COL25A1: variants seen among roughly 807,000 people sequenced by gnomAD.
The protein encoded by COL25A1 is collagen alpha-1(XXV) chain.
COL25A1 carries 103 observed loss-of-function variants against 128.4 expected under a neutral mutation model. The ratio of observed to expected loss-of-function variants is 0.80; its 90% CI spans 0.68 to 0.94. COL25A1 has a LOEUF of 0.94. COL25A1 is among the 40% of genes least tolerant of loss of function. COL25A1 has a pLI of 0.00. For synonymous variants in COL25A1, 279 were observed against 277.2 expected, an observed-to-expected ratio of 1.01 and a Z score of -0.06; for missense variants, 745 against 840.0, an observed-to-expected ratio of 0.89 and a Z score of 1.40.
intron 3 of COL25A1, among the ~76,000 whole-genome samples, chr4:109,269,567 T>C (rs1782052737): frequency 6.7e-6 from 1 of 150,338 alleles, no homozygotes; most frequent in African/African-American, 2.5e-5. Flanking sequence ...AAAGTGTTCC[T>C]ATTTCTCCAC....
intron 3 of COL25A1, among the ~76,000 whole-genome samples, chr4:109,236,169 G>A (rs548513859): frequency 4.0e-5 from 6 of 150,556 alleles, no homozygotes; most frequent in South Asian, 2.1e-4. Flanking sequence ...GTATAACTTC[G>A]GAGAAGTGAT....
intron 3 of COL25A1, among the ~76,000 whole-genome samples, chr4:109,108,401 G>A (rs1464454531): frequency 6.6e-6 from 1 of 152,028 alleles, no homozygotes; most frequent in Non-Finnish European, 1.5e-5. Context: ...TGGTATATAT[G>A]TGCCACATTT....
chr4:108,954,911 C>T (rs1481498262), intron 8 of COL25A1, among the ~76,000 whole-genome samples: 2 of 151,634 alleles, frequency 1.3e-5, no homozygotes, highest in African/African-American at 4.8e-5. Context: ...AAAGCAATAG[C>T]CCAATTTACA....
chr4:108,943,054 T>A (rs561377457), intron 8 of COL25A1, among the ~76,000 whole-genome samples: 63 of 152,148 alleles, frequency 4.1e-4, no homozygotes, highest in African/African-American at 1.5e-3. Context: ...CCATGCCCAG[T>A]CAAACCAATA....
At chr4:108,881,184 A>T (rs761330761) in intron 19 of COL25A1, among the ~76,000 whole-genome samples, 4 of 152,146 alleles carry the variant, frequency 2.6e-5, no homozygotes, top group Non-Finnish European at 5.9e-5. Context: ...AGTGACTTTT[A>T]TTATGTATGC....
chr4:109,161,952 C>A (rs895232313), intron 3 of COL25A1, among the ~76,000 whole-genome samples: 1 of 152,168 alleles, frequency 6.6e-6, no homozygotes, highest in Non-Finnish European at 1.5e-5. Flanking sequence ...GTGAATCATT[C>A]GGCAGCGCAC....
chr4:109,156,743 C>G (rs17039993), intron 3 of COL25A1, among the ~76,000 whole-genome samples: 1 of 152,182 alleles, frequency 6.6e-6, no homozygotes, highest in African/African-American at 2.4e-5. Context: ...AAAATGCACT[C>G]TATTCCATCC....
intron 11 of COL25A1, among the ~76,000 whole-genome samples, chr4:108,932,282 C>G (rs1393936657): frequency 6.6e-6 from 1 of 152,112 alleles, no homozygotes; most frequent in Non-Finnish European, 1.5e-5. Flanking sequence ...TTAAATGCAA[C>G]AGAAACATTT....
intron 3 of COL25A1, among the ~76,000 whole-genome samples, chr4:109,290,671 G>A (rs1434883008): frequency 1.3e-5 from 2 of 152,062 alleles, no homozygotes; most frequent in African/African-American, 4.8e-5. Flanking sequence ...TGGTTGGCAT[G>A]TATCAGGGGC....
intron 21 of COL25A1, 63 bp downstream of exon 21, chr4:108,863,256 T>G: frequency 6.6e-7 from 1 of 1,514,904 alleles, no homozygotes; most frequent in Non-Finnish European, 9.2e-7. Flanking sequence ...TTGTTTTAGT[T>G]TTTTGTGTTC....
intron 3 of COL25A1, among the ~76,000 whole-genome samples, chr4:109,141,720 T>C (rs1770423987): frequency 6.6e-6 from 1 of 152,246 alleles, no homozygotes; most frequent in Non-Finnish European, 1.5e-5. Context: ...TTTATTTGCA[T>C]AGAGGTGTTT....
intron 4 of COL25A1, 90 bp from the exon 5 acceptor site, chr4:109,048,265 T>C: frequency 8.0e-7 from 1 of 1,256,094 alleles, no homozygotes; most frequent in Non-Finnish European, 1.2e-6. Context: ...ATGAGCATAA[T>C]CATCAGCATG....
At chr4:108,855,700 G>A (rs897441938) in intron 24 of COL25A1, among the ~76,000 whole-genome samples, 19 of 152,132 alleles carry the variant, frequency 1.2e-4, no homozygotes, top group African/African-American at 4.6e-4. Flanking sequence ...AACAGATGGA[G>A]TTTAAATGAT....
At chr4:109,026,879 T>C (rs1758350714) in intron 5 of COL25A1, among the ~76,000 whole-genome samples, 1 of 152,170 alleles carries the variant, frequency 6.6e-6, no homozygotes, top group South Asian at 2.1e-4. Flanking sequence ...CACCATCTTA[T>C]ATAAGATGAG....
At chr4:108,866,251 G>A (rs1737904888) in intron 20 of COL25A1, among the ~76,000 whole-genome samples, 1 of 145,598 alleles carries the variant, frequency 6.9e-6, no homozygotes, top group African/African-American at 2.6e-5. Flanking sequence ...GGAGAGCAGT[G>A]TTGTGATCTC....
intron 10 of COL25A1, among the ~76,000 whole-genome samples, chr4:108,938,132 G>C (rs1474011254): frequency 1.3e-5 from 2 of 152,198 alleles, no homozygotes; most frequent in African/African-American, 2.4e-5. Flanking sequence ...ATAGGACAGA[G>C]AGACAATTGC....
At chr4:109,117,369 T>C (rs1421903210) in intron 3 of COL25A1, among the ~76,000 whole-genome samples, 2 of 151,936 alleles carry the variant, frequency 1.3e-5, no homozygotes, top group African/African-American at 2.4e-5. Flanking sequence ...ATTTAAAGTG[T>C]TGAGGGAAAA....
At chr4:109,144,489 C>T (rs948589453) in intron 3 of COL25A1, among the ~76,000 whole-genome samples, 20 of 152,310 alleles carry the variant, frequency 1.3e-4, no homozygotes, top group South Asian at 2.1e-4. Context: ...GCTGAAGTTG[C>T]GCCCACAGCC....
intron 3 of COL25A1, among the ~76,000 whole-genome samples, chr4:109,194,148 G>T (rs1578404873): frequency 6.6e-6 from 1 of 152,138 alleles, no homozygotes; most frequent in African/African-American, 2.4e-5. Flanking sequence ...GGGCAAGAAG[G>T]AATGGATTTG....
Sources: gnomAD v4.1 joint callset for allele counts (sites outside exome capture counted in the v4.1 genomes callset) on GRCh38, gnomAD v4.1.1 for gene constraint, MANE v1.5 for transcripts, NCBI Gene and HGNC (gene_info 2026-07-23, HGNC 2026-07-21) for gene names.